Variants in SAMSN1 observed in about 807,000 individuals in gnomAD.
The protein encoded by SAMSN1 is SAM domain-containing protein SAMSN-1.
Under a neutral mutation model 42.0 loss-of-function variants are expected in SAMSN1, and 31 were observed. The ratio of observed to expected loss-of-function variants is 0.74; its 90% CI spans 0.55 to 1.00. SAMSN1 has a LOEUF of 1.00. Among genes scored for constraint, SAMSN1 ranks in the 50% least tolerant of loss-of-function variants. The probability of loss-of-function intolerance (pLI) is 0.00; values close to 1 mark genes in which losing one functional copy is unlikely to be tolerated. For missense variants in SAMSN1, 464 were observed against 439.4 expected (o/e 1.06, Z -0.50); for synonymous variants, 178 against 151.9 (o/e 1.17, Z -1.26).
At chr21:14,605,268 C>G (rs1398298874) in intron 5 of SAMSN1, among the ~76,000 whole-genome samples, 1 of 152,190 alleles carries the variant, frequency 6.6e-6, no homozygotes, top group Non-Finnish European at 1.5e-5. Context: ...CACTAGAAGT[C>G]TAAGTGGTCT....
At chr21:14,597,581 T>A (rs1332110821) in intron 6 of SAMSN1, among the ~76,000 whole-genome samples, 1 of 152,168 alleles carries the variant, frequency 6.6e-6, no homozygotes, top group Non-Finnish European at 1.5e-5. Context: ...GAGTTTAGCA[T>A]TAGCAAAAGT....
intron 7 of SAMSN1, among the ~76,000 whole-genome samples, chr21:14,588,636 T>A (rs886825285): frequency 6.6e-6 from 1 of 152,218 alleles, no homozygotes; most frequent in Non-Finnish European, 1.5e-5. Flanking sequence ...GCTCATCCCA[T>A]CTTCTTCAAC....
chr21:14,642,300 C>A lies in SAMSN1; in HGVS notation c.156+702G>T, dbSNP rs371226162. 3.9e-5 allele frequency among the ~76,000 whole-genome samples: 6 copies of A among 152,320 alleles called. No individual in the cohort carries two copies. The East Asian group carries it at 1.2e-3, about 29-fold the overall frequency. On this transcript the variant is annotated intron_variant, in intron 2 of 15. Transcript: ENST00000647101. ...GTACAATTTTGTATAATGCAGAGAACTCTATCTCTAGTAATTTTAAAGATA... is the reference window on the plus strand; with the variant it reads ...GTACAATTTTGTATAATGCAGAGAAATCTATCTCTAGTAATTTTAAAGATA...
chr21:14,538,099 C>A (rs760914625), intron 1 of SAMSN1, among the ~76,000 whole-genome samples: 2 of 152,118 alleles, frequency 1.3e-5, no homozygotes, highest in Non-Finnish European at 2.9e-5. Context: ...ATGAAGACAA[C>A]CTTTTGAGAT....
intron 2 of SAMSN1, among the ~76,000 whole-genome samples, chr21:14,577,830 C>G (rs1981557537): frequency 6.6e-6 from 1 of 152,138 alleles, no homozygotes; most frequent in African/African-American, 2.4e-5. Flanking sequence ...GGAGTATACC[C>G]TTTCATAAAT....
intron 2 of SAMSN1, among the ~76,000 whole-genome samples, chr21:14,559,543 A>T (rs1980874427): frequency 6.6e-6 from 1 of 152,088 alleles, no homozygotes; most frequent in Non-Finnish European, 1.5e-5. Context: ...TCTCTCAGTC[A>T]CCCAGGCTGG....
At chr21:14,599,622 C>T (rs137958156) in intron 6 of SAMSN1, among the ~76,000 whole-genome samples, 116 of 152,242 alleles carry the variant, frequency 7.6e-4, no homozygotes, top group Middle Eastern at 3.4e-3. Flanking sequence ...GGTGAGTTCT[C>T]ACTCTATTAG....
upstream of SAMSN1, among the ~76,000 whole-genome samples, chr21:14,587,857 C>T (rs913866185): frequency 7.5e-4 from 112 of 150,074 alleles, no homozygotes; most frequent in African/African-American, 2.4e-3. Context: ...CATGCTGGTG[C>T]GCTGCATTAG....
chr21:14,637,266 G>A (rs1218600510), intron 2 of SAMSN1, among the ~76,000 whole-genome samples: 1 of 152,122 alleles, frequency 6.6e-6, no homozygotes, highest in African/African-American at 2.4e-5. Flanking sequence ...GAACTGAAAT[G>A]TGCTCTTAAC....
chr21:14,614,340 GTTTAAGTT>G (rs1323198232), intron 3 of SAMSN1, among the ~76,000 whole-genome samples: 3 of 152,146 alleles, frequency 2.0e-5, no homozygotes, highest in African/African-American at 7.2e-5. Flanking sequence ...GTTGATCCTT[GTTTAAGTT>G]TGGTGATATG....
intron 1 of SAMSN1, chr21:14,582,507 G>C (rs1981772758): frequency 2.3e-6 from 2 of 859,184 alleles, no homozygotes; most frequent in Non-Finnish European, 3.6e-6. Context: ...CAAAGAAATA[G>C]GTTAAAAACT....
chr21:14,545,434 A>G (rs1294399670), intron 1 of SAMSN1, among the ~76,000 whole-genome samples: 4 of 152,294 alleles, frequency 2.6e-5, no homozygotes, highest in Non-Finnish European at 5.9e-5. Context: ...ATGTACAAGT[A>G]TTGGAGAAAT....
At chr21:14,522,739 T>C (rs1312236742) in intron 1 of SAMSN1, among the ~76,000 whole-genome samples, 1 of 152,182 alleles carries the variant, frequency 6.6e-6, no homozygotes, top group Non-Finnish European at 1.5e-5. Flanking sequence ...ATGCGATCCA[T>C]ACATATATTT....
chr21:14,618,389 C>T (rs1982899173), intron 2 of SAMSN1, among the ~76,000 whole-genome samples: 1 of 152,102 alleles, frequency 6.6e-6, no homozygotes, highest in South Asian at 2.1e-4. Context: ...CTTAAACAGG[C>T]CAACATCTAC....
At chr21:14,551,854 G>T (rs1980606820) in intron 2 of SAMSN1, among the ~76,000 whole-genome samples, 1 of 152,052 alleles carries the variant, frequency 6.6e-6, no homozygotes, top group Admixed American at 6.6e-5. Context: ...TGCACAGCTA[G>T]GAAGTGGTGG....
intron 2 of SAMSN1, among the ~76,000 whole-genome samples, chr21:14,634,486 C>T (rs939440117): frequency 6.6e-6 from 1 of 152,050 alleles, no homozygotes; most frequent in South Asian, 2.1e-4. Context: ...AATAAACAGC[C>T]CCATCAAAAA....
At chr21:14,513,092 A>G (rs1317799946) in intron 3 of SAMSN1, among the ~76,000 whole-genome samples, 1 of 152,232 alleles carries the variant, frequency 6.6e-6, no homozygotes, top group Non-Finnish European at 1.5e-5. Context: ...AAAGCTTTAC[A>G]AATCTAATAC....
At chr21:14,512,221 G>A (rs998125317) in intron 4 of SAMSN1, among the ~76,000 whole-genome samples, 26 of 152,224 alleles carry the variant, frequency 1.7e-4, no homozygotes, top group Admixed American at 1.1e-3. Flanking sequence ...GAGGAGCCCC[G>A]TTGACTACAG....
intron 6 of SAMSN1, among the ~76,000 whole-genome samples, chr21:14,596,266 T>C (rs1353096395): frequency 2.4e-4 from 37 of 152,190 alleles, no homozygotes; most frequent in Admixed American, 2.4e-3. Flanking sequence ...CTTGAAAGTC[T>C]TCTACTATTA....
Sources: allele counts gnomAD v4.1 joint callset (sites outside exome capture counted in the v4.1 genomes callset), GRCh38; gene constraint gnomAD v4.1.1; transcripts MANE v1.5; gene names NCBI Gene and HGNC (gene_info 2026-07-23, HGNC 2026-07-21).